MADD: variants seen among roughly 807,000 people sequenced by gnomAD.
MADD encodes the protein MAP kinase activating death domain, also known as MAP kinase-activating death domain protein.
Under a neutral mutation model 176.7 loss-of-function variants are expected in MADD, and 109 were observed. The ratio of observed to expected loss-of-function variants is 0.62; its 90% CI spans 0.53 to 0.72. The LOEUF (loss-of-function observed/expected upper bound fraction) is 0.72, where lower values mean the gene tolerates loss of function less well. Among genes scored for constraint, MADD ranks in the 30% least tolerant of loss-of-function variants. The pLI, the probability that MADD is intolerant of heterozygous loss-of-function variation, is 0.00. For synonymous variants in MADD, 771 were observed against 771.3 expected (o/e 1.00, Z 0.01); for missense variants, 1,914 against 2,045.5 (o/e 0.94, Z 1.24).
chr11:47,290,729 G>A (rs184663902), exon 19 of MADD: 1 of 1,614,146 alleles, frequency 6.2e-7, no homozygotes, highest in Non-Finnish European at 8.5e-7. Flanking sequence ...TCCACAACTG[G>A]GACCTCGGGC....
chr11:47,329,919 G>A (rs1316499459), exon 33 of MADD: 3 of 152,680 alleles, frequency 2.0e-5, no homozygotes, highest in Admixed American at 6.5e-5. Context: ...CGGGGTGTCA[G>A]GAGGGAGAGA....
chr11:47,306,647 G>C (rs181212884), intron 22 of MADD, among the ~76,000 whole-genome samples: 2 of 152,068 alleles, frequency 1.3e-5, no homozygotes, highest in East Asian at 1.9e-4. Flanking sequence ...AGGGGGATGG[G>C]GGGGAGGCCT....
At chr11:47,328,204 G>C in intron 31 of MADD, 1 of 1,068,502 alleles carries the variant, frequency 9.4e-7, no homozygotes, top group Non-Finnish European at 1.1e-6. Context: ...TGTTTAACAT[G>C]ACCCAATTTT....
chr11:47,277,785 C>G (rs1431762536), intron 5 of MADD, among the ~76,000 whole-genome samples: 2 of 152,254 alleles, frequency 1.3e-5, no homozygotes, highest in African/African-American at 4.8e-5. Flanking sequence ...CTGGGTGGGA[C>G]AGAGCGGGAC....
chr11:47,276,535 A>T (rs1458789433), intron 4 of MADD, among the ~76,000 whole-genome samples, 197 bp from the exon 5 acceptor site: 1 of 152,218 alleles, frequency 6.6e-6, no homozygotes, highest in Non-Finnish European at 1.5e-5. Context: ...AGTGATTTGC[A>T]TATCTCAGGT....
At chr11:47,324,283 T>C in exon 29 of MADD, 2 of 1,614,208 alleles carry the variant, frequency 1.2e-6, no homozygotes, top group African/African-American at 1.3e-5. Context: ...GCTGTACTAC[T>C]GTGTGAAGGA....
chr11:47,308,872 G>A, intron 23 of MADD, 108 bp from the exon 26 acceptor site: 1 of 1,177,200 alleles, frequency 8.5e-7, no homozygotes, highest in Non-Finnish European at 1.3e-6. Context: ...AGCAGTGGGT[G>A]AAAACTGGAC....
intron 7 of MADD, among the ~76,000 whole-genome samples, chr11:47,279,569 C>T (rs2054322909): frequency 3.3e-5 from 5 of 151,644 alleles, no homozygotes; most frequent in South Asian, 4.2e-4. Context: ...TTGGTAGAGA[C>T]GGGGTTTTGC....
At chr11:47,317,801 C>G (rs1393046158) in intron 27 of MADD, among the ~76,000 whole-genome samples, 6 of 150,632 alleles carry the variant, frequency 4.0e-5, no homozygotes, top group African/African-American at 1.2e-4. Context: ...GACAGAGTCT[C>G]TCTCTATCGC....
exon 17 of MADD, chr11:47,290,031 G>T (rs138661202): frequency 3.1e-6 from 5 of 1,614,130 alleles, no homozygotes; most frequent in Non-Finnish European, 4.2e-6. Flanking sequence ...GACGATGCCC[G>T]GCAGGACATC....
exon 4 of MADD, chr11:47,276,024 C>G (rs1456533687): frequency 3.1e-6 from 5 of 1,614,220 alleles, no homozygotes; most frequent in Non-Finnish European, 4.2e-6. Flanking sequence ...GTACCCGTCT[C>G]TGGGCAGAAG....
At chr11:47,303,226 C>G (rs952733066) in intron 22 of MADD, among the ~76,000 whole-genome samples, 17 of 145,904 alleles carry the variant, frequency 1.2e-4, no homozygotes, top group African/African-American at 4.2e-4. Flanking sequence ...TGACTTAACA[C>G]TTTTCTCTTG....
At chr11:47,273,330 A>AT (rs1257390983) in intron 1 of MADD, among the ~76,000 whole-genome samples, 2 of 94,250 alleles carry the variant, frequency 2.1e-5, no homozygotes, top group Non-Finnish European at 4.0e-5. Flanking sequence ...GTGAACCATT[A>AT]TTTATCTACA....
intron 15 of MADD, among the ~76,000 whole-genome samples, chr11:47,287,753 T>A: frequency 6.7e-6 from 1 of 150,324 alleles, no homozygotes; most frequent in South Asian, 2.1e-4. Flanking sequence ...AATATTTAAC[T>A]GTGGTAGGAA....
At chr11:47,326,855 T>C (rs899762693) in intron 31 of MADD, 48 bp downstream of exon 35, 1 of 1,611,402 alleles carries the variant, frequency 6.2e-7, no homozygotes, top group Non-Finnish European at 8.5e-7. Flanking sequence ...TGGCAGTAAC[T>C]CAAACCTCGG....
intron 22 of MADD, among the ~76,000 whole-genome samples, chr11:47,305,071 C>T (rs1041611115): frequency 2.6e-5 from 4 of 152,104 alleles, no homozygotes; most frequent in Non-Finnish European, 4.4e-5. Flanking sequence ...GTGGCAGTGG[C>T]AGTGGTGGTA....
rs777805670 is a variant in MADD at position 47,315,215 on chromosome 11, A to G, written c.4090-5A>G. The G allele has an allele frequency of 1.0e-5, 16 of 1,599,654 alleles. No individual in the cohort carries two copies. The highest frequency in any genetic ancestry group is 1.3e-5 in the Non-Finnish European group (15 of 1,167,270). On this transcript the variant is annotated splice_region_variant and splice_polypyrimidine_tract_variant and intron_variant, in intron 26 of 32. Coordinates refer to ENST00000402192, the Ensembl canonical transcript of MADD. ...ACTGTCCCTAAAAAATCTCTCTTTC[A>G]TCAGAATGGACGCGATCTCTCTATC...
chr11:47,309,952 G>A (rs2086792241), intron 25 of MADD, among the ~76,000 whole-genome samples: 1 of 146,598 alleles, frequency 6.8e-6, no homozygotes, highest in Admixed American at 7.2e-5. Context: ...AGTGATTCTT[G>A]TGCCTCAGCC....
Position 47,308,527 on chromosome 11 carries a change from G to C in MADD, c.3643-64G>C, listed in dbSNP as rs535260041. 4.2e-6 allele frequency: 5 copies of C among 1,185,970 alleles called. No homozygotes were observed. In the South Asian group the frequency reaches 6.4e-5, roughly 15 times the overall value. The allele number at this position is 1,185,970 out of a possible 1,614,324, so 73.5% of individuals were successfully genotyped here. A position where few individuals can be genotyped will look rare whatever the true frequency, so the allele number is the denominator to read the frequency against. On this transcript the variant is annotated intron_variant, in intron 22 of 32. Coordinates refer to ENST00000402192, the Ensembl canonical transcript of MADD. ...GTGTGAGAGCCTCTTAGTGAAGTGC[G>C]TGGTTTCCTTTGTCTCTATTCATTG...
Sources: allele counts gnomAD v4.1 joint callset (sites outside exome capture counted in the v4.1 genomes callset), GRCh38; gene constraint gnomAD v4.1.1; transcripts MANE v1.5; gene names NCBI Gene and HGNC (gene_info 2026-07-23, HGNC 2026-07-21).